PRKN: variants seen among roughly 807,000 people sequenced by gnomAD.
The protein encoded by PRKN is parkin RBR E3 ubiquitin protein ligase, also known as E3 ubiquitin-protein ligase parkin.
PRKN carries 56 observed loss-of-function variants against 59.5 expected under a neutral mutation model. The ratio of observed to expected loss-of-function variants is 0.94; its 90% confidence interval spans 0.76 to 1.18. The LOEUF (loss-of-function observed/expected upper bound fraction) is 1.18. Among genes scored for constraint, PRKN ranks in the 50% most tolerant of loss-of-function variants. The pLI is 0.00. For synonymous variants in PRKN, 250 were observed against 222.1 expected (o/e 1.13, Z -1.12); for missense variants, 657 against 596.4 (o/e 1.10, Z -1.06).
At chr6:161,594,780 C>T (rs1463692306) in intron 7 of PRKN, among the ~76,000 whole-genome samples, 5 of 151,602 alleles carry the variant, frequency 3.3e-5, no homozygotes, top group East Asian at 1.9e-4. Context: ...AATGTAACTA[C>T]ATGTGCAAGA....
At chr6:161,776,350 C>T (rs1291096676) in intron 7 of PRKN, among the ~76,000 whole-genome samples, 2 of 152,174 alleles carry the variant, frequency 1.3e-5, no homozygotes, top group African/African-American at 4.8e-5. Context: ...TACCAAAGCC[C>T]ATACCTTTAG....
intron 2 of PRKN, among the ~76,000 whole-genome samples, chr6:162,439,955 A>G (rs565124113): frequency 2.0e-5 from 3 of 152,284 alleles, no homozygotes; most frequent in African/African-American, 7.2e-5. Flanking sequence ...TTTTGTCTAC[A>G]TAGCGGTTGG....
intron 1 of PRKN, among the ~76,000 whole-genome samples, chr6:162,678,214 T>C (rs1562490311): frequency 6.6e-6 from 1 of 152,228 alleles, no homozygotes. Flanking sequence ...TGATGGTTAT[T>C]GGAGTTATTT....
At chr6:162,064,089 G>A (rs1778224802) in intron 4 of PRKN, among the ~76,000 whole-genome samples, 1 of 152,144 alleles carries the variant, frequency 6.6e-6, no homozygotes, top group South Asian at 2.1e-4. Context: ...TGAAAAGAGA[G>A]CTACTGAGTC....
chr6:161,812,372 G>A (rs1341927901), intron 6 of PRKN, among the ~76,000 whole-genome samples: 1 of 152,088 alleles, frequency 6.6e-6, no homozygotes. Flanking sequence ...TTGGGCAACA[G>A]AGCAAAAGCC....
In PRKN at chr6:162,472,773, G is replaced by A. The variant is rs1791821491; in HGVS notation, c.8-29300C>T. ...CCCAAAGTGCTGGGATTACAGGTGT[G>A]AGCCACCGCGCCCGGCCCCAAACTT... On this transcript the variant is annotated intron_variant, in intron 1 of 11. Transcript: ENST00000366898. Among the ~76,000 whole-genome samples, 2 of 95,488 alleles carry A rather than the reference G, an allele frequency of 2.1e-5. 1 individual carries two copies. The highest frequency in any genetic ancestry group is 2.3e-4 in the Admixed American group (2 of 8,782). The allele number at this position is 95,488 out of a possible 152,430, so 62.6% of individuals were successfully genotyped here.
chr6:162,353,210 C>A (rs2128131692), intron 2 of PRKN, among the ~76,000 whole-genome samples: 1 of 152,146 alleles, frequency 6.6e-6, no homozygotes, highest in Admixed American at 6.6e-5. Context: ...TATTTCCATC[C>A]CCTTAAGCAA....
chr6:161,855,082 C>CAAAAAAA (rs1203185737), intron 6 of PRKN, among the ~76,000 whole-genome samples: 1 of 45,644 alleles, frequency 2.2e-5, no homozygotes. Flanking sequence ...GACTTCATCT[C>CAAAAAAA]AAAAAAAAAA....
chr6:161,674,753 G>T (rs915128746), intron 7 of PRKN, among the ~76,000 whole-genome samples: 3 of 152,126 alleles, frequency 2.0e-5, no homozygotes, highest in Non-Finnish European at 2.9e-5. Flanking sequence ...TGACATCTCA[G>T]CTCTGATCAA....
chr6:162,174,663 C>G (rs1211155946), intron 4 of PRKN, among the ~76,000 whole-genome samples: 4 of 152,126 alleles, frequency 2.6e-5, no homozygotes, highest in Non-Finnish European at 4.4e-5. Context: ...ATTCTATATC[C>G]TTGTTCAAGG....
At chr6:161,655,722 C>G (rs1240935316) in intron 7 of PRKN, among the ~76,000 whole-genome samples, 2 of 152,190 alleles carry the variant, frequency 1.3e-5, no homozygotes, top group Non-Finnish European at 2.9e-5. Context: ...ACTGATTTTA[C>G]TAGGTTGGAC....
intron 7 of PRKN, among the ~76,000 whole-genome samples, chr6:161,710,193 TA>T (rs201729987): frequency 6.6e-6 from 1 of 150,566 alleles, no homozygotes; most frequent in East Asian, 1.9e-4. Context: ...CCTTCATCCT[TA>T]AAAAAAAAGA....
At chr6:161,598,340 T>A (rs950058255) in intron 7 of PRKN, among the ~76,000 whole-genome samples, 1 of 152,150 alleles carries the variant, frequency 6.6e-6, no homozygotes, top group Non-Finnish European at 1.5e-5. Flanking sequence ...TTGAGAAACA[T>A]TCAATTGTAT....
chr6:162,356,558 A>G (rs1784866650), intron 2 of PRKN, among the ~76,000 whole-genome samples: 1 of 151,826 alleles, frequency 6.6e-6, no homozygotes, highest in South Asian at 2.1e-4. Flanking sequence ...TGGTCAAAAC[A>G]AAGTTTAAAT....
intron 4 of PRKN, among the ~76,000 whole-genome samples, chr6:162,103,118 T>TA (rs1056265392): frequency 4.6e-5 from 7 of 151,490 alleles, no homozygotes; most frequent in Admixed American, 2.6e-4. Flanking sequence ...AAAATGGTTT[T>TA]AAAAAAAACA....
At chr6:162,547,600 G>T (rs373457234) in intron 1 of PRKN, among the ~76,000 whole-genome samples, 120 of 152,068 alleles carry the variant, frequency 7.9e-4, no homozygotes, top group African/African-American at 2.8e-3. Flanking sequence ...TATTTTTTGA[G>T]AAGGAGTTTC....
chr6:162,722,435 G>A (rs967815533), intron 1 of PRKN, among the ~76,000 whole-genome samples: 3 of 152,152 alleles, frequency 2.0e-5, no homozygotes, highest in African/African-American at 7.2e-5. Context: ...ACTGTCACAT[G>A]AGTCTCTTTA....
intron 5 of PRKN, among the ~76,000 whole-genome samples, chr6:162,049,820 T>G (rs1019900816): frequency 6.6e-6 from 1 of 152,172 alleles, no homozygotes; most frequent in Non-Finnish European, 1.5e-5. Flanking sequence ...TATCCTCCAG[T>G]TGCCGAGTGA....
At position 162,366,412 on chromosome 6, in the gene PRKN, T is replaced by C. The variant is rs766211779; in HGVS notation, c.171+76898A>G. Among the ~76,000 whole-genome samples, 31 of 152,170 alleles carry C rather than the reference T, an allele frequency of 2.0e-4. 1 individual carries two copies. The highest frequency in any genetic ancestry group is 1.9e-4 in the Non-Finnish European group (13 of 68,026). On this transcript the variant is annotated intron_variant, in intron 2 of 11. Coordinates refer to ENST00000366898, the MANE Select transcript of PRKN (RefSeq NM_004562.3). ...TGGCATAATAAGAACTATTATTCTT[T>C]TAAAATGTATTAATTGTCTTTTGCT...
Sources: allele counts gnomAD v4.1 joint callset (sites outside exome capture counted in the v4.1 genomes callset), GRCh38; gene constraint gnomAD v4.1.1; transcripts MANE v1.5; gene names NCBI Gene and HGNC (gene_info 2026-07-23, HGNC 2026-07-21).